Variants in RPS4X observed in about 807,000 individuals in gnomAD.
The protein encoded by RPS4X is small ribosomal subunit protein eS4, X isoform.
For missense variants in RPS4X, 90 were observed against 219.1 expected (o/e 0.41, Z 3.72); for synonymous variants, 76 against 76.8 (o/e 0.99, Z 0.06).
chrX:72,277,209 A>C lies in RPS4X; in HGVS notation c.-14T>G. On this transcript the variant is annotated 5_prime_UTR_variant, in exon 1 of 7. Coordinates refer to ENST00000316084, the MANE Select transcript of RPS4X (RefSeq NM_001007.5). The stretch of plus-strand genomic sequence containing the variant: ...ACGGCTTACCATGGCTGCGTTAGGC[A>C]AGGAAAGAGGACCTCCGTCTTCCGG... The C allele has an allele frequency of 8.3e-7, 1 of 1,210,252 alleles. No individual in the cohort carries two copies. The highest frequency in any genetic ancestry group is 1.7e-5 in the African/African-American group (1 of 57,879).
At position 72,272,452 on chromosome X, in the gene RPS4X, C is replaced by T; in HGVS notation, c.*219G>A. On this transcript the variant is annotated 3_prime_UTR_variant, in exon 7 of 7. Transcript: ENST00000316084. ...TCCTTGGTTAGTTGCTGTTCCTTTC[C>T]CAAGTCTGGTATCTTCTACTTCCCA... 2.9e-6 allele frequency: 1 copy of T among 348,533 alleles called. No individual in the cohort carries two copies. Among genetic ancestry groups the T allele is most frequent in the Non-Finnish European group, 5.0e-6 (1 of 200,337 alleles). 28.7% of individuals were successfully genotyped at this position (348,533 alleles called of 1,213,427 possible).
chrX:72,275,299 C>A, intron 3 of RPS4X, 149 bp from the exon 4 acceptor site: 1 of 470,471 alleles, frequency 2.1e-6, no homozygotes, highest in Non-Finnish European at 3.6e-6. Context: ...AAGATCACGG[C>A]CAGATCTTCA....
chrX:72,273,699 C>T (rs2147625297), intron 5 of RPS4X, 102 bp downstream of exon 5: 5 of 670,689 alleles, frequency 7.5e-6, no homozygotes, highest in South Asian at 2.8e-5. Context: ...CACACCTGGG[C>T]GATTGGAGCA....
chrX:72,276,079 C>T, intron 2 of RPS4X, 78 bp downstream of exon 2: 1 of 807,482 alleles, frequency 1.2e-6, no homozygotes, highest in Non-Finnish European at 1.9e-6. Context: ...GATATTCCTC[C>T]CCTAGCCTGG....
intron 5 of RPS4X, 103 bp from the exon 6 acceptor site, chrX:72,273,492 T>C (rs2043189157): frequency 8.4e-6 from 7 of 835,651 alleles, no homozygotes; most frequent in Non-Finnish European, 1.0e-5. Flanking sequence ...CCCATTTGAA[T>C]TTCCTCATAT....
Position 72,274,443 on chromosome X carries a change from A to G in RPS4X, c.361-471T>C, listed in dbSNP as rs757021609. 8.7e-4 allele frequency: 297 copies of G among 342,411 alleles called. 1 individual carries two copies. The highest frequency in any genetic ancestry group is 4.3e-3 in the South Asian group (166 of 38,267). The allele number at this position is 342,411 out of a possible 1,213,427, so 28.2% of individuals were successfully genotyped here. A position where few individuals can be genotyped will look rare whatever the true frequency, so the allele number is the denominator to read the frequency against. On this transcript the variant is annotated intron_variant, in intron 4 of 6. Coordinates refer to ENST00000316084, the MANE Select transcript of RPS4X (RefSeq NM_001007.5). ...AGTCTGCTGTTAACAAGGCTGTGCA[A>G]AAGGAAATTAGGAGCCACATCAGTC... is the stretch of plus-strand genomic sequence containing the variant.
chrX:72,274,872 T>C, intron 4 of RPS4X, 181 bp downstream of exon 4: 1 of 407,775 alleles, frequency 2.5e-6, no homozygotes, highest in Non-Finnish European at 4.4e-6. Context: ...AGACTTTTAA[T>C]AACATGACAA....
At chrX:72,276,581 C>T (rs1359449495) in intron 1 of RPS4X, among the ~76,000 whole-genome samples, 2 of 111,914 alleles carry the variant, frequency 1.8e-5, no homozygotes, top group Admixed American at 9.4e-5. Context: ...ACTAGTGAAA[C>T]GCACAGCAAC....
At chrX:72,274,911 G>A (rs1050132304) in intron 4 of RPS4X, 142 bp downstream of exon 4, 3 of 431,968 alleles carry the variant, frequency 6.9e-6, no homozygotes, top group Non-Finnish European at 1.2e-5. Context: ...GAATCTCATC[G>A]AATTGTTAGC....
In RPS4X at chrX:72,275,033, A is replaced by AG; in HGVS notation, c.360+19dup. 1.8e-6 allele frequency: 2 copies of AG among 1,116,273 alleles called. No homozygotes were observed. Among genetic ancestry groups the AG allele is most frequent in the South Asian group, 1.8e-5 (1 of 54,301 alleles). 92.0% of individuals were successfully genotyped at this position (1,116,273 alleles called of 1,213,427 possible). A position where few individuals can be genotyped will look rare whatever the true frequency, so the allele number is the denominator to read the frequency against. ...AAGTAACTATACTGAGTAAAGACCC[A>AG]GCTTGCTTGCCACACTCACCTTGGC... On this transcript the variant is annotated intron_variant, in intron 4 of 6. Coordinates refer to ENST00000316084, the MANE Select transcript of RPS4X (RefSeq NM_001007.5).
chrX:72,276,653 T>C (rs1462316417), intron 1 of RPS4X, among the ~76,000 whole-genome samples: 1 of 112,215 alleles, frequency 8.9e-6, no homozygotes, highest in African/African-American at 3.2e-5. Flanking sequence ...CCGTCTGTTT[T>C]TGACACGTAT....
intron 4 of RPS4X, 174 bp downstream of exon 4, chrX:72,274,879 A>T: frequency 2.4e-6 from 1 of 409,209 alleles, no homozygotes; most frequent in Non-Finnish European, 4.4e-6. Flanking sequence ...TAATAACATG[A>T]CAAAAAGTTA....
chrX:72,275,563 G>A lies in RPS4X; in HGVS notation c.243C>T (p.Thr81=). Residue 81 remains threonine, a synonymous_variant, in exon 3 of 7, where the codon ACC becomes ACT. Transcript: ENST00000316084. ...KIDGKVRTDI[T]YPAGFMDVIS... is the part of the protein sequence containing the mutation. Reference sequence around the variant, plus strand: ...TCTTACCCATGAATCCAGCAGGGTAGGTTATATCAGTTCGGACCTTGCCAT... The same window carrying A: ...TCTTACCCATGAATCCAGCAGGGTAAGTTATATCAGTTCGGACCTTGCCAT... The A allele has an allele frequency of 8.3e-7, 1 of 1,208,970 alleles. No homozygotes were observed. Among genetic ancestry groups the A allele is most frequent in the Non-Finnish European group, 1.1e-6 (1 of 893,304 alleles).
At chrX:72,276,308 CTTAGT>C (rs2043203500) in intron 1 of RPS4X, 74 bp from the exon 2 acceptor site, 10 of 771,433 alleles carry the variant, frequency 1.3e-5, no homozygotes, top group South Asian at 7.2e-5. Context: ...AAACTAAACT[CTTAGT>C]TTAGTTTCAT....
At chrX:72,273,509 G>A in intron 5 of RPS4X, 120 bp from the exon 6 acceptor site, 1 of 750,188 alleles carries the variant, frequency 1.3e-6, no homozygotes, top group Non-Finnish European at 1.9e-6. Context: ...ATATGGAACT[G>A]CTGCCTATGC....
Position 72,275,585 on chromosome X carries a change from C to T in RPS4X, c.221G>A (p.Gly74Asp). The T allele has an allele frequency of 1.7e-6, 2 of 1,210,748 alleles. No individual in the cohort carries two copies. The highest frequency in any genetic ancestry group is 1.8e-5 in the South Asian group (1 of 56,915). Residue 74 changes from glycine to aspartate, a missense_variant, in exon 3 of 7, where the codon GGC (glycine) becomes GAC (aspartate). Gly to Asp is a moderately conservative substitution (Grantham distance 94, BLOSUM62 -1). Transcript: ENST00000316084. Reference protein sequence around the residue: ...ICMQRFIKIDGKVRTDITYPA... With the variant: ...ICMQRFIKIDDKVRTDITYPA... ...GTAGGTTATATCAGTTCGGACCTTG[C>T]CATCGATTTTAATGAACCGCTGCAT...
chrX:72,275,402 T>C (rs747822804), intron 3 of RPS4X, 142 bp downstream of exon 3: 18 of 511,549 alleles, frequency 3.5e-5, no homozygotes, highest in Non-Finnish European at 5.8e-5. Flanking sequence ...ATGTTTTTTA[T>C]TTAAGTAAAA....
At chrX:72,276,131 C>T (rs778704585) in intron 2 of RPS4X, 26 bp downstream of exon 2, 4 of 1,164,008 alleles carry the variant, frequency 3.4e-6, no homozygotes, top group Non-Finnish European at 3.5e-6. Context: ...ACAGTGGCCA[C>T]GGAAATATTT....
chrX:72,277,024 G>C (rs2043207791), intron 1 of RPS4X, among the ~76,000 whole-genome samples, 169 bp downstream of exon 1: 1 of 112,399 alleles, frequency 8.9e-6, no homozygotes, highest in Admixed American at 9.3e-5. Context: ...CCAACCCTAG[G>C]CCAGCGTTCG....
Sources: gnomAD v4.1 joint callset for allele counts (sites outside exome capture counted in the v4.1 genomes callset) on GRCh38, gnomAD v4.1.1 for gene constraint, MANE v1.5 for transcripts, NCBI Gene and HGNC (gene_info 2026-07-23, HGNC 2026-07-21) for gene names.